The following LTBP4 variants were observed in gnomAD, a reference collection of about 807,000 sequenced individuals.
LTBP4 encodes latent-transforming growth factor beta-binding protein 4.
In LTBP4, 93 loss-of-function variants were observed where a neutral mutation model predicts 180.2. The ratio of observed to expected loss-of-function variants is 0.52; its 90% CI spans 0.44 to 0.61. The LOEUF (loss-of-function observed/expected upper bound fraction) is 0.61. Among genes scored for constraint, LTBP4 ranks in the 20% least tolerant of loss-of-function variants. The probability of loss-of-function intolerance (pLI) is 0.00; values close to 1 mark genes in which losing one functional copy is unlikely to be tolerated. For missense variants in LTBP4, 2,116 were observed against 2,256.5 expected (o/e 0.94, Z 1.26); for synonymous variants, 947 against 934.5 (o/e 1.01, Z -0.24).
intron 4 of LTBP4, 145 bp from the exon 5 acceptor site, chr19:40,606,088 C>A: frequency 1.2e-6 from 1 of 844,650 alleles, no homozygotes; most frequent in Non-Finnish European, 1.9e-6. Context: ...TCCAATGTTG[C>A]CATTTCAACT....
At position 40,625,906 on chromosome 19, in the gene LTBP4, C is replaced by T. The variant is rs2081630232; in HGVS notation, c.3882C>T (p.Cys1294=). The T allele has an allele frequency of 2.5e-6, 4 of 1,600,680 alleles. No individual in the cohort carries two copies. Among genetic ancestry groups the T allele is most frequent in the Admixed American group, 1.7e-5 (1 of 58,218 alleles). ...CWQEVGADLV[C]SHPRLDRQAT... is the part of the protein sequence containing the mutation. Reference sequence around the variant, plus strand: ...AGGAAGTGGGGGCTGACCTCGTGTGCAGCCACCCTCGGCTGGACCGTCAGG... The same window carrying T: ...AGGAAGTGGGGGCTGACCTCGTGTGTAGCCACCCTCGGCTGGACCGTCAGG... The change falls in exon 27 of 30, where the codon TGC becomes TGT. Residue 1294 remains cysteine, a synonymous_variant. Coordinates refer to ENST00000396819, the MANE Select transcript of LTBP4 (RefSeq NM_001042545.2).
intron 1 of LTBP4, among the ~76,000 whole-genome samples, chr19:40,604,600 T>C (rs1167148986): frequency 1.3e-5 from 2 of 152,198 alleles, no homozygotes; most frequent in East Asian, 3.9e-4. Context: ...TCCCAGCACT[T>C]TGGGAGACTG....
In LTBP4 at chr19:40,608,689, G is replaced by T. The variant is rs568407617; in HGVS notation, c.1426+86G>T. ...GCATTTTGGGAGGCTGAGGAGGGTG[G>T]ATCACCAGGTCAGGAGTTCGAGACC... On this transcript the variant is annotated intron_variant, in intron 9 of 29. Coordinates refer to ENST00000396819, the MANE Select transcript of LTBP4 (RefSeq NM_001042545.2). 1.4e-5 allele frequency: 20 copies of T among 1,475,910 alleles called. No homozygotes were observed. In the South Asian group the frequency reaches 2.1e-4, roughly 15 times the overall value. The allele number at this position is 1,475,910 out of a possible 1,614,324, so 91.4% of individuals were successfully genotyped here.
chr19:40,624,890 T>C (rs1185578466), intron 26 of LTBP4, among the ~76,000 whole-genome samples: 1 of 151,912 alleles, frequency 6.6e-6, no homozygotes, highest in Admixed American at 6.6e-5. Flanking sequence ...TCTGGATCTT[T>C]GTTTTCAGGT....
intron 26 of LTBP4, among the ~76,000 whole-genome samples, chr19:40,625,281 T>TAA: frequency 1.0e-4 from 1 of 9,808 alleles, no homozygotes; most frequent in African/African-American, 9.7e-4. Context: ...TATATATATA[T>TAA]ATATATATAT....
chr19:40,619,415 T>C lies in LTBP4; in HGVS notation c.3139T>C (p.Phe1047Leu). 6.2e-7 allele frequency: 1 copy of C among 1,613,970 alleles called. No homozygotes were observed. The highest frequency in any genetic ancestry group is 8.5e-7 in the Non-Finnish European group (1 of 1,179,876). Residue 1047 changes from phenylalanine (F) to leucine (L), a missense_variant, in exon 22 of 30, where the codon TTC becomes CTC. Around this residue, in one of 5 missense-constraint regions of LTBP4, gnomAD observed 278 missense variants for 373.0 expected, o/e 0.75. Coordinates refer to ENST00000396819, the MANE Select transcript of LTBP4 (RefSeq NM_001042545.2). Reference protein sequence around the residue: ...AALCENVEGSFLCVCPNSPEE... With the variant: ...AALCENVEGSLLCVCPNSPEE... ...CCTGTGTGAAAATGTCGAAGGCTCC[T>C]TCCTCTGTGTCTGCCCCAACAGCCC...
rs1320746665 is a variant in LTBP4 at position 40,609,456 on chromosome 19, G to C, written c.1427-74G>C. 1.3e-6 allele frequency: 2 copies of C among 1,575,882 alleles called. No individual in the cohort carries two copies. The highest frequency in any genetic ancestry group is 1.7e-4 in the Middle Eastern group (1 of 5,932). ...AAGGTGTTTTATGGATGTCTCCGGG[G>C]GTGGGGGTTTTACTGGGATGAAAGG... On this transcript the variant is annotated intron_variant, in intron 9 of 29. Transcript: ENST00000396819. The surrounding 1 kb of genome is among the most constrained non-coding windows in gnomAD (Gnocchi z 4.9).
chr19:40,607,352 C>T lies in LTBP4; in HGVS notation c.992-13C>T, dbSNP rs1158862813. On this transcript the variant is annotated splice_polypyrimidine_tract_variant and intron_variant, in intron 6 of 29. Coordinates refer to ENST00000396819, the MANE Select transcript of LTBP4 (RefSeq NM_001042545.2). ...AGCCCCGCCCTGAAGGATTTCCTCCCTGCTCCTCGCAGCCCAACACGTGAT... is the reference window on the plus strand; with the variant it reads ...AGCCCCGCCCTGAAGGATTTCCTCCTTGCTCCTCGCAGCCCAACACGTGAT... 6 of 1,609,400 alleles carry T rather than the reference C, an allele frequency of 3.7e-6. No individual in the cohort carries two copies. The highest frequency in any genetic ancestry group is 1.3e-5 in the African/African-American group (1 of 74,806).
Position 40,601,423 on chromosome 19 carries a change from A to C in LTBP4, c.36A>C (p.Leu12=). 6.9e-7 allele frequency: 1 copy of C among 1,439,944 alleles called. No homozygotes were observed. Among genetic ancestry groups the C allele is most frequent in the Non-Finnish European group, 9.1e-7 (1 of 1,097,008 alleles). The allele number at this position is 1,439,944 out of a possible 1,614,324, so 89.2% of individuals were successfully genotyped here. A position where few individuals can be genotyped will look rare whatever the true frequency, so the allele number is the denominator to read the frequency against. ...AGGVRLLWVS[L]LVLLAQLGPQ... ...GCGTGCGGCTGCTCTGGGTGTCGCT[A>C]TTGGTGCTGCTGGCGCAGCTAGGGC... The change falls in exon 1 of 30, where the codon CTA becomes CTC. Residue 12 remains leucine, a synonymous_variant. Transcript: ENST00000396819.
Position 40,629,687 on chromosome 19 carries a change from G to A in LTBP4, c.*137G>A. The A allele has an allele frequency of 1.1e-6, 1 of 912,164 alleles. No individual in the cohort carries two copies. The highest frequency in any genetic ancestry group is 1.5e-6 in the Non-Finnish European group (1 of 684,030). The allele number at this position is 912,164 out of a possible 1,614,324, so 56.5% of individuals were successfully genotyped here. On this transcript the variant is annotated 3_prime_UTR_variant, in exon 30 of 30. Transcript: ENST00000396819. The surrounding 1 kb of genome is among the most constrained non-coding windows in gnomAD (Gnocchi z 4.5). ...AGGGACCTACGGACGCCTGGAAGCTGCGACGCCCTGCACTGCTCCCGCCTC... is the reference window on the plus strand; with the variant it reads ...AGGGACCTACGGACGCCTGGAAGCTACGACGCCCTGCACTGCTCCCGCCTC...
intron 1 of LTBP4, among the ~76,000 whole-genome samples, chr19:40,602,560 C>T (rs1423567890): frequency 2.6e-5 from 4 of 152,134 alleles, no homozygotes; most frequent in Non-Finnish European, 5.9e-5. Flanking sequence ...CCGCCCGCTG[C>T]CACTCCCTCT....
At chr19:40,615,767 T>A (rs1049590538) in intron 19 of LTBP4, among the ~76,000 whole-genome samples, 2 of 151,756 alleles carry the variant, frequency 1.3e-5, no homozygotes, top group Non-Finnish European at 2.9e-5. Flanking sequence ...AAAAAAAAAA[T>A]TTATACAACA....
At chr19:40,600,252 T>C (rs2081414469), upstream of LTBP4, 6 of 824,536 alleles carry the variant, frequency 7.3e-6, no homozygotes, top group African/African-American at 1.8e-5. This position sits in a 1 kb window ranked among gnomAD's most constrained non-coding sequence, Gnocchi z 4.4. Flanking sequence ...GTTCCCACGG[T>C]CCAGCCGCCG....
chr19:40,606,507 G>T lies in LTBP4; in HGVS notation c.972G>T (p.Ser324=). 6.4e-7 allele frequency: 1 copy of T among 1,569,838 alleles called. No individual in the cohort carries two copies. Among genetic ancestry groups the T allele is most frequent in the Non-Finnish European group, 8.6e-7 (1 of 1,158,578 alleles). ...GCCCCGACGGCTTTCTGCTCGACTC[G>T]TCCCGCAGCAGCTGCATCTGTGAGC... ...CVCPDGFLLD[S]SRSSCISQHV... Residue 324 remains serine, a synonymous_variant, in exon 6 of 30, where the codon TCG becomes TCT. Coordinates refer to ENST00000396819, the MANE Select transcript of LTBP4 (RefSeq NM_001042545.2).
chr19:40,617,074 A>G lies in LTBP4; in HGVS notation c.2945-26A>G. 1.9e-6 allele frequency: 3 copies of G among 1,613,828 alleles called. No individual in the cohort carries two copies. The South Asian group carries it at 3.3e-5, about 18-fold the overall frequency. On this transcript the variant is annotated intron_variant, in intron 20 of 29. Transcript: ENST00000396819. Reference sequence around the variant, plus strand: ...TGTGGAGATGGTAGAAGGTCCAGAAATGGCCTGACTGTCTGGTGGTTGCAG... The same window carrying G: ...TGTGGAGATGGTAGAAGGTCCAGAAGTGGCCTGACTGTCTGGTGGTTGCAG...
At position 40,617,001 on chromosome 19, in the gene LTBP4, G is replaced by A. The variant is rs760559166; in HGVS notation, c.2925G>A (p.Thr975=). ...CCTGTGACCCTGGCTATCAGCCCAC[G>A]CCAGGGGGCGGATGCCAGGGTGGGT... is the stretch of plus-strand genomic sequence containing the variant. The part of the protein sequence containing the change: ...TPACDPGYQP[T]PGGGCQDVDE... Residue 975 remains threonine, a synonymous_variant, in exon 20 of 30, where the codon ACG becomes ACA. Coordinates refer to ENST00000396819, the MANE Select transcript of LTBP4 (RefSeq NM_001042545.2). 26 of 1,613,344 alleles carry A rather than the reference G, an allele frequency of 1.6e-5. No homozygotes were observed. Among genetic ancestry groups the A allele is most frequent in the East Asian group, 2.2e-5 (1 of 44,890 alleles).
At chr19:40,621,997 C>A (rs1029536889) in intron 22 of LTBP4, among the ~76,000 whole-genome samples, 3 of 152,126 alleles carry the variant, frequency 2.0e-5, no homozygotes, top group African/African-American at 7.2e-5. Flanking sequence ...AATCCAACCG[C>A]GTCGGCCTCC....
chr19:40,618,926 A>G (rs1301770790), intron 21 of LTBP4, among the ~76,000 whole-genome samples: 4 of 152,108 alleles, frequency 2.6e-5, no homozygotes, highest in Admixed American at 6.6e-5. Flanking sequence ...ATTATTTTTC[A>G]CAATGATGAA....
At chr19:40,623,537 C>A (rs1719021687) in intron 24 of LTBP4, 67 bp from the exon 25 acceptor site, 20 of 1,546,408 alleles carry the variant, frequency 1.3e-5, no homozygotes, top group Non-Finnish European at 1.5e-5. Context: ...TCTGTCTTCC[C>A]ACGTCATGCC....
Sources: gnomAD v4.1 joint callset for allele counts (sites outside exome capture counted in the v4.1 genomes callset) on GRCh38, gnomAD v4.1.1 for gene constraint, gnomAD v4.1.1 regional missense constraint, Gnocchi (gnomAD v3.1) non-coding constraint, MANE v1.5 for transcripts, NCBI Gene and HGNC (gene_info 2026-07-23, HGNC 2026-07-21) for gene names.